LRRC37A2: variants seen among roughly 807,000 people sequenced by gnomAD.
LRRC37A2 encodes leucine-rich repeat-containing protein 37A2.
Under a neutral mutation model 68.8 loss-of-function variants are expected in LRRC37A2, and 9 were observed. That is an observed-to-expected ratio of 0.13 (90% confidence interval 0.08 to 0.23). The LOEUF (loss-of-function observed/expected upper bound fraction) is 0.23, where lower values mean the gene tolerates loss of function less well. LRRC37A2 is among the 10% of genes least tolerant of loss of function. The probability of loss-of-function intolerance (pLI) is 1.00; values close to 1 mark genes in which losing one functional copy is unlikely to be tolerated. For missense variants in LRRC37A2, 168 were observed against 950.4 expected (o/e 0.18, Z 10.82); for synonymous variants, 63 against 367.6 (o/e 0.17, Z 9.48).
chr17:46,476,523 A>C, the LRRC37A2 span, among the ~76,000 whole-genome samples: 1 of 93,932 alleles, frequency 1.1e-5, no homozygotes, highest in Admixed American at 1.0e-4. Flanking sequence ...CTCTACTAAA[A>C]ATACAAAAAA....
At chr17:46,418,215 T>TG in the LRRC37A2 span, among the ~76,000 whole-genome samples, 24 of 62,680 alleles carry the variant, frequency 3.8e-4, 1 homozygote, top group Admixed American at 1.4e-3. Context: ...GTGTGTGTGT[T>TG]TGTGTGTGTG....
chr17:46,392,459 TTC>T, the LRRC37A2 span, among the ~76,000 whole-genome samples: 2 of 64,032 alleles, frequency 3.1e-5, no homozygotes, highest in African/African-American at 4.9e-5. Context: ...CTTTCTTTCT[TTC>T]TTTCTTTCTT....
the LRRC37A2 span, among the ~76,000 whole-genome samples, chr17:46,687,332 C>T: frequency 6.7e-6 from 1 of 148,506 alleles, no homozygotes; most frequent in Non-Finnish European, 1.5e-5. Flanking sequence ...ATCTTGTTCT[C>T]TATTTGGAGG....
At chr17:46,896,303 AAAAG>A in the LRRC37A2 span, among the ~76,000 whole-genome samples, 31 of 151,358 alleles carry the variant, frequency 2.0e-4, no homozygotes, top group Middle Eastern at 3.4e-3. Context: ...CAAAAAAAGA[AAAAG>A]AAAGAAAGAA....
the LRRC37A2 span, among the ~76,000 whole-genome samples, chr17:47,030,094 C>A: frequency 0.17 from 15,387 of 88,728 alleles, 2,000 homozygotes; most frequent in East Asian, 0.27. Context: ...TAATAATCAT[C>A]ATCATCATCA....
chr17:46,776,534 C>T, the LRRC37A2 span, among the ~76,000 whole-genome samples: 1 of 152,166 alleles, frequency 6.6e-6, no homozygotes, highest in Non-Finnish European at 1.5e-5. Context: ...GAGCTAAGTA[C>T]CCTGCCCTGT....
chr17:46,961,931 A>G, the LRRC37A2 span, among the ~76,000 whole-genome samples: 1 of 152,212 alleles, frequency 6.6e-6, no homozygotes, highest in East Asian at 1.9e-4. Context: ...AATGATTCCA[A>G]ATCATTTTAT....
chr17:46,951,420 C>T, the LRRC37A2 span, among the ~76,000 whole-genome samples: 2 of 152,172 alleles, frequency 1.3e-5, no homozygotes, highest in Admixed American at 6.5e-5. Flanking sequence ...GCCTGGGCTC[C>T]TCGCCCAGCT....
the LRRC37A2 span, chr17:46,768,947 G>T: frequency 7.9e-7 from 1 of 1,264,586 alleles, no homozygotes; most frequent in Non-Finnish European, 1.1e-6. The surrounding 1 kb of genome is among the most constrained non-coding windows in gnomAD (Gnocchi z 5.0). Flanking sequence ...ACTGAGGCAA[G>T]ACCTAAAGAA....
the LRRC37A2 span, among the ~76,000 whole-genome samples, chr17:46,404,727 G>A: frequency 0.061 from 5,926 of 96,850 alleles, 723 homozygotes; most frequent in East Asian, 0.49. Context: ...AAAATTAGCC[G>A]GGCGTGGTGG....
At chr17:46,810,248 T>C in the LRRC37A2 span, among the ~76,000 whole-genome samples, 1 of 152,064 alleles carries the variant, frequency 6.6e-6, no homozygotes, top group African/African-American at 2.4e-5. Context: ...CCTCAGGTGA[T>C]CCACCCGCCT....
the LRRC37A2 span, among the ~76,000 whole-genome samples, chr17:46,772,099 G>A: frequency 6.6e-6 from 1 of 152,154 alleles, no homozygotes; most frequent in African/African-American, 2.4e-5. Flanking sequence ...ACTCGCCGGG[G>A]GCGGGGTGCA....
the LRRC37A2 span, chr17:46,929,717 A>G: frequency 1.5e-6 from 1 of 663,898 alleles, no homozygotes; most frequent in East Asian, 2.8e-5. Flanking sequence ...TAGGGTGGAC[A>G]GAAAAACCCT....
At chr17:46,710,878 G>T in the LRRC37A2 span, 1 of 1,186,326 alleles carries the variant, frequency 8.4e-7, no homozygotes, top group South Asian at 1.5e-5. Flanking sequence ...AATACCTTTA[G>T]CATGTACGGA....
the LRRC37A2 span, chr17:47,017,978 A>G: frequency 6.6e-7 from 1 of 1,522,756 alleles, no homozygotes; most frequent in Admixed American, 1.7e-5. Flanking sequence ...AGGAGGCCCC[A>G]GCTCTGCCTC....
the LRRC37A2 span, among the ~76,000 whole-genome samples, chr17:46,812,340 C>T: frequency 6.6e-5 from 10 of 152,262 alleles, no homozygotes; most frequent in South Asian, 1.9e-3. Context: ...CCCCCTACCC[C>T]CGCCCCAAGA....
At chr17:46,979,386 G>T in the LRRC37A2 span, 1 of 166,854 alleles carries the variant, frequency 6.0e-6, no homozygotes, top group Non-Finnish European at 1.3e-5. Context: ...CCTCCCCGGA[G>T]TCCCGGTGCT....
At chr17:46,980,550 C>T in the LRRC37A2 span, among the ~76,000 whole-genome samples, 36 of 151,094 alleles carry the variant, frequency 2.4e-4, no homozygotes, top group East Asian at 6.4e-3. Flanking sequence ...AGGCCGGGCG[C>T]GGTGGCTCAC....
the LRRC37A2 span, among the ~76,000 whole-genome samples, chr17:46,839,244 T>G: frequency 6.6e-6 from 1 of 152,260 alleles, no homozygotes; most frequent in South Asian, 2.1e-4. Context: ...GAATGCTTAT[T>G]CTATTAGCTC....
Sources: gnomAD v4.1 joint callset for allele counts (sites outside exome capture counted in the v4.1 genomes callset) on GRCh38, gnomAD v4.1.1 for gene constraint, Gnocchi (gnomAD v3.1) non-coding constraint, MANE v1.5 for transcripts, NCBI Gene and HGNC (gene_info 2026-07-23, HGNC 2026-07-21) for gene names.